Variants in PEPD observed in about 807,000 individuals in gnomAD.
PEPD encodes the protein xaa-Pro dipeptidase.
PEPD carries 53 observed loss-of-function variants against 60.7 expected under a neutral mutation model. The ratio of observed to expected loss-of-function variants is 0.87; its 90% CI spans 0.70 to 1.10. PEPD has a LOEUF of 1.10. Ranked by LOEUF, PEPD falls within the 50% of genes least tolerant of loss-of-function variation. The pLI, the probability that PEPD is intolerant of heterozygous loss-of-function variation, is 0.00. For synonymous variants in PEPD, 267 were observed against 284.1 expected (o/e 0.94, Z 0.60); for missense variants, 711 against 711.9 (o/e 1.00, Z 0.01).
At chr19:33,460,535 C>T (rs1050472282) in intron 9 of PEPD, among the ~76,000 whole-genome samples, 3 of 152,158 alleles carry the variant, frequency 2.0e-5, no homozygotes, top group African/African-American at 7.2e-5. Flanking sequence ...TCTCCCAACT[C>T]GGTCCCCTCA....
At chr19:33,484,141 A>G (rs746250258) in intron 6 of PEPD, among the ~76,000 whole-genome samples, 1 of 152,208 alleles carries the variant, frequency 6.6e-6, no homozygotes, top group Admixed American at 6.5e-5. Flanking sequence ...AAGTCAACCT[A>G]AATGTTGTGG....
rs1302960978 is a variant in PEPD at position 33,413,556 on chromosome 19, G to A, written c.740+19C>T. On this transcript the variant is annotated intron_variant, in intron 10 of 14. Coordinates refer to ENST00000244137, the MANE Select transcript of PEPD (RefSeq NM_000285.4). ...CCTCCCACTGGTCACCCCCAGGGGA[G>A]CCAGGGTGCCCCGCTTACCTGCCGC... 1.3e-6 allele frequency: 2 copies of A among 1,497,056 alleles called. No homozygotes were observed. The highest frequency in any genetic ancestry group is 1.9e-5 in the Admixed American group (1 of 52,098). 92.7% of individuals were successfully genotyped at this position (1,497,056 alleles called of 1,614,324 possible).
chr19:33,409,647 C>A (rs1968718727), intron 11 of PEPD, among the ~76,000 whole-genome samples: 1 of 152,170 alleles, frequency 6.6e-6, no homozygotes, highest in South Asian at 2.1e-4. Flanking sequence ...TGCACTCTAG[C>A]CTGGGAGACA....
At chr19:33,390,757 T>G (rs1287318170) in intron 13 of PEPD, among the ~76,000 whole-genome samples, 1 of 152,144 alleles carries the variant, frequency 6.6e-6, no homozygotes, top group Non-Finnish European at 1.5e-5. Context: ...CCAGAATGCC[T>G]GGGGATGAGG....
intron 9 of PEPD, among the ~76,000 whole-genome samples, chr19:33,450,804 C>T (rs894180542): frequency 5.9e-5 from 9 of 152,070 alleles, no homozygotes; most frequent in Non-Finnish European, 1.2e-4. Flanking sequence ...ACTCTGGAGG[C>T]GGGGCTCGGA....
chr19:33,388,666 G>A (rs767519415), intron 13 of PEPD: 5 of 191,640 alleles, frequency 2.6e-5, no homozygotes, highest in Non-Finnish European at 4.4e-5. Flanking sequence ...TGCCGTGTGC[G>A]CGTGGCTTGG....
intron 7 of PEPD, among the ~76,000 whole-genome samples, chr19:33,468,732 T>C (rs976856303): frequency 6.6e-6 from 1 of 152,062 alleles, no homozygotes; most frequent in Non-Finnish European, 1.5e-5. Flanking sequence ...CAGAACCTTC[T>C]GGGGAATGTG....
At chr19:33,496,538 C>G (rs1800862513) in intron 4 of PEPD, among the ~76,000 whole-genome samples, 1 of 152,210 alleles carries the variant, frequency 6.6e-6, no homozygotes, top group Non-Finnish European at 1.5e-5. Context: ...TCAGCACACC[C>G]TGACTCCGTG....
rs767306239 is a variant in PEPD at position 33,521,746 on chromosome 19, G to T, written c.15C>A (p.Thr5=). The change falls in exon 1 of 15, where the codon ACC becomes ACA. Residue 5 remains threonine (T), a splice_region_variant and synonymous_variant. Coordinates refer to ENST00000244137, the MANE Select transcript of PEPD (RefSeq NM_000285.4). MAAA[T]GPSFWLGNET... is the part of the protein sequence containing the mutation. ...AGCGAGGGAGGCGCAGCACTCACCC[G>T]GTGGCCGCCGCCATGTTCGCCCGGC... 3 of 1,577,570 alleles carry T rather than the reference G, an allele frequency of 1.9e-6. No individual in the cohort carries two copies. Among genetic ancestry groups the T allele is most frequent in the South Asian group, 1.2e-5 (1 of 86,732 alleles).
intron 9 of PEPD, among the ~76,000 whole-genome samples, chr19:33,452,301 C>G (rs1385595357): frequency 2.0e-5 from 3 of 151,974 alleles, no homozygotes; most frequent in Admixed American, 2.0e-4. Context: ...CAGGATATAG[C>G]TAAGGCAGTA....
At chr19:33,448,268 T>C (rs1969629227) in intron 9 of PEPD, among the ~76,000 whole-genome samples, 1 of 152,228 alleles carries the variant, frequency 6.6e-6, no homozygotes, top group Non-Finnish European at 1.5e-5. Context: ...TAACTGCTCC[T>C]GCGGGGCTGC....
chr19:33,409,987 T>TC (rs1185833679), intron 11 of PEPD, among the ~76,000 whole-genome samples: 1 of 152,124 alleles, frequency 6.6e-6, no homozygotes, highest in Non-Finnish European at 1.5e-5. Context: ...AAAGCTGAGC[T>TC]CCGCTCTGAC....
At chr19:33,422,004 C>T (rs1377787825) in intron 9 of PEPD, among the ~76,000 whole-genome samples, 1 of 152,050 alleles carries the variant, frequency 6.6e-6, no homozygotes, top group African/African-American at 2.4e-5. Flanking sequence ...GATCCTTCCA[C>T]AACTTAAGTA....
At chr19:33,471,265 C>T (rs532638666) in intron 7 of PEPD, among the ~76,000 whole-genome samples, 2 of 152,246 alleles carry the variant, frequency 1.3e-5, no homozygotes, top group East Asian at 1.9e-4. Flanking sequence ...ACCAATTATC[C>T]GTAGGGCACT....
chr19:33,494,722 G>A (rs764694960), intron 4 of PEPD, among the ~76,000 whole-genome samples: 8 of 152,158 alleles, frequency 5.3e-5, no homozygotes, highest in Non-Finnish European at 1.0e-4. Flanking sequence ...GAGACAGTGC[G>A]GCAAACATGC....
chr19:33,412,443 G>C (rs567821888), intron 10 of PEPD, among the ~76,000 whole-genome samples: 1 of 152,174 alleles, frequency 6.6e-6, no homozygotes, highest in African/African-American at 2.4e-5. Flanking sequence ...AAGGGGAGAG[G>C]GCCTCTATGG....
rs1393645957 is a variant in PEPD at position 33,411,836 on chromosome 19, T to C, written c.741-87A>G. 6.3e-6 allele frequency: 5 copies of C among 795,318 alleles called. No individual in the cohort carries two copies. The East Asian group carries it at 1.3e-4, about 21-fold the overall frequency. 49.3% of individuals were successfully genotyped at this position (795,318 alleles called of 1,614,324 possible). A position where few individuals can be genotyped will look rare whatever the true frequency, so the allele number is the denominator to read the frequency against. On this transcript the variant is annotated intron_variant, in intron 10 of 14. Coordinates refer to ENST00000244137, the MANE Select transcript of PEPD (RefSeq NM_000285.4). ...GGGTGGATGCTCGATCCCCTGCCCA[T>C]GAGCAGCACTGTCCCCACCTCCAGC... is the stretch of plus-strand genomic sequence containing the variant.
intron 7 of PEPD, among the ~76,000 whole-genome samples, chr19:33,471,480 A>G (rs1011090694): frequency 4.6e-5 from 7 of 152,234 alleles, no homozygotes; most frequent in Non-Finnish European, 1.0e-4. Context: ...AGTGTTCTTG[A>G]GCATGAACAG....
chr19:33,420,528 C>T lies in PEPD; in HGVS notation c.672-6885G>A, dbSNP rs894145773. Among the ~76,000 whole-genome samples the T allele has an allele frequency of 3.9e-5, 6 of 152,020 alleles. 1 individual carries two copies. The highest frequency in any genetic ancestry group is 4.1e-4 in the South Asian group (2 of 4,824). On this transcript the variant is annotated intron_variant, in intron 9 of 14. Transcript: ENST00000244137. ...GACCAGCCTGGCCAACATGGTAAAA[C>T]CCGTCTCTACTAAAAACACAAAAAT...
Sources: allele counts gnomAD v4.1 joint callset (sites outside exome capture counted in the v4.1 genomes callset), GRCh38; gene constraint gnomAD v4.1.1; transcripts MANE v1.5; gene names NCBI Gene and HGNC (gene_info 2026-07-23, HGNC 2026-07-21).